ATRNL1: variants seen among roughly 807,000 people sequenced by gnomAD.
ATRNL1 encodes the protein attractin-like protein 1.
ATRNL1 carries 95 observed loss-of-function variants against 182.7 expected under a neutral mutation model. The observed-to-expected ratio is 0.52, with a 90% CI of 0.44 to 0.62. ATRNL1 has a LOEUF of 0.62. Ranked by LOEUF, ATRNL1 falls within the 20% of genes least tolerant of loss-of-function variation. The pLI is 0.00. For synonymous variants in ATRNL1, 576 were observed against 568.3 expected, an observed-to-expected ratio of 1.01 and a Z score of -0.19; for missense variants, 1,471 against 1,679.5, an observed-to-expected ratio of 0.88 and a Z score of 2.17.
At chr10:115,913,017 A>T (rs1380943578) in intron 28 of ATRNL1, among the ~76,000 whole-genome samples, 1 of 152,204 alleles carries the variant, frequency 6.6e-6, no homozygotes, top group Non-Finnish European at 1.5e-5. Flanking sequence ...GATAATGTGT[A>T]TGAAAACGTT....
chr10:115,493,483 T>C (rs570177591), intron 24 of ATRNL1, among the ~76,000 whole-genome samples: 1 of 152,238 alleles, frequency 6.6e-6, no homozygotes, highest in African/African-American at 2.4e-5. Context: ...CTATAGTGTA[T>C]ACGTACCACT....
chr10:115,917,732 C>A (rs1232094788), intron 28 of ATRNL1, among the ~76,000 whole-genome samples: 1 of 152,034 alleles, frequency 6.6e-6, no homozygotes, highest in Admixed American at 6.5e-5. Flanking sequence ...TCATGCTAAC[C>A]ACATTTTGTT....
At chr10:115,344,880 C>T (rs1265742447) in intron 19 of ATRNL1, among the ~76,000 whole-genome samples, 1 of 152,204 alleles carries the variant, frequency 6.6e-6, no homozygotes, top group African/African-American at 2.4e-5. Context: ...TCCTTTCCTT[C>T]AAGTCAGTGG....
chr10:115,313,846 T>A (rs1327833683), intron 17 of ATRNL1, among the ~76,000 whole-genome samples: 1 of 152,202 alleles, frequency 6.6e-6, no homozygotes, highest in Non-Finnish European at 1.5e-5. Flanking sequence ...ATAATTGGAA[T>A]GCCAAGCCAA....
chr10:115,672,268 G>A (rs564965483), intron 26 of ATRNL1, among the ~76,000 whole-genome samples: 3 of 152,134 alleles, frequency 2.0e-5, no homozygotes, highest in African/African-American at 7.2e-5. Flanking sequence ...GAAGCTCAGG[G>A]GTTAAGTGAC....
chr10:115,879,771 G>T (rs562282648), intron 28 of ATRNL1, among the ~76,000 whole-genome samples: 2 of 152,314 alleles, frequency 1.3e-5, no homozygotes, highest in South Asian at 4.1e-4. Context: ...ACTGTGGTTC[G>T]AGTGGCTGCA....
chr10:115,924,854 C>T (rs565256222), intron 28 of ATRNL1, among the ~76,000 whole-genome samples: 7 of 152,226 alleles, frequency 4.6e-5, no homozygotes, highest in Middle Eastern at 3.4e-3. Flanking sequence ...GCCATTTTCA[C>T]GATATTGATT....
At chr10:115,455,961 T>G (rs1039143348) in intron 21 of ATRNL1, among the ~76,000 whole-genome samples, 1 of 152,046 alleles carries the variant, frequency 6.6e-6, no homozygotes, top group African/African-American at 2.4e-5. Context: ...GTTAGAATGA[T>G]GATCATTAAA....
intron 15 of ATRNL1, among the ~76,000 whole-genome samples, chr10:115,291,898 C>T (rs1554921003): frequency 6.7e-6 from 1 of 149,576 alleles, no homozygotes; most frequent in East Asian, 2.0e-4. Flanking sequence ...AAAATCCCCT[C>T]TCCTTCAGTT....
chr10:115,146,617 A>G (rs560744308), intron 5 of ATRNL1, among the ~76,000 whole-genome samples: 185 of 152,010 alleles, frequency 1.2e-3, no homozygotes, highest in African/African-American at 4.2e-3. Flanking sequence ...GTCCTCCCCC[A>G]CTACCCACAC....
At chr10:115,117,108 G>C (rs889031737) in intron 1 of ATRNL1, among the ~76,000 whole-genome samples, 1 of 151,770 alleles carries the variant, frequency 6.6e-6, no homozygotes, top group African/African-American at 2.4e-5. Context: ...ATGTTTATGG[G>C]GTATGTGGGA....
At chr10:115,438,154 T>A (rs1846495605) in intron 21 of ATRNL1, among the ~76,000 whole-genome samples, 1 of 152,008 alleles carries the variant, frequency 6.6e-6, no homozygotes, top group Non-Finnish European at 1.5e-5. Flanking sequence ...ATCTAAGAAT[T>A]CTTCTTCCCA....
chr10:115,494,769 A>C (rs993768855), intron 24 of ATRNL1, among the ~76,000 whole-genome samples: 9 of 152,078 alleles, frequency 5.9e-5, no homozygotes, highest in Non-Finnish European at 1.2e-4. Flanking sequence ...TTCTTGCATC[A>C]ATGTTCATCA....
intron 19 of ATRNL1, among the ~76,000 whole-genome samples, chr10:115,387,485 T>A (rs782064685): frequency 6.6e-6 from 1 of 152,224 alleles, no homozygotes; most frequent in Non-Finnish European, 1.5e-5. Context: ...AACACAAAAT[T>A]ATTATGAAAT....
At chr10:115,256,258 A>G (rs568894125) in intron 10 of ATRNL1, among the ~76,000 whole-genome samples, 186 of 152,204 alleles carry the variant, frequency 1.2e-3, no homozygotes, top group African/African-American at 4.0e-3. Context: ...CTGTGAATCC[A>G]TCTGGTCCTG....
At chr10:115,907,165 T>C (rs976708417) in intron 28 of ATRNL1, among the ~76,000 whole-genome samples, 6 of 152,230 alleles carry the variant, frequency 3.9e-5, no homozygotes, top group Non-Finnish European at 8.8e-5. Flanking sequence ...AGCTCATCAT[T>C]GCTTTGCTTT....
intron 26 of ATRNL1, among the ~76,000 whole-genome samples, chr10:115,649,308 TA>T (rs880001176): frequency 3.9e-5 from 6 of 152,152 alleles, no homozygotes; most frequent in Non-Finnish European, 8.8e-5. Flanking sequence ...AATTTCATAA[TA>T]AGGCCTCTGA....
chr10:115,553,009 A>G (rs2133817284), intron 26 of ATRNL1, among the ~76,000 whole-genome samples: 1 of 151,462 alleles, frequency 6.6e-6, no homozygotes, highest in African/African-American at 2.4e-5. Context: ...ATTTGTCAGG[A>G]GCAAGTATAT....
intron 5 of ATRNL1, among the ~76,000 whole-genome samples, chr10:115,134,408 C>T (rs1392197353): frequency 3.9e-5 from 6 of 152,048 alleles, no homozygotes; most frequent in African/African-American, 1.2e-4. Flanking sequence ...ACTATAAACA[C>T]CTCTATGCAA....
Sources: allele counts gnomAD v4.1 joint callset (sites outside exome capture counted in the v4.1 genomes callset), GRCh38; gene constraint gnomAD v4.1.1; transcripts MANE v1.5; gene names NCBI Gene and HGNC (gene_info 2026-07-23, HGNC 2026-07-21).